Variants in PCDH15 observed in about 807,000 individuals in gnomAD.
PCDH15 encodes the protein protocadherin related 15.
A neutral mutation model predicts 178.5 loss-of-function variants in PCDH15; 129 were observed. The ratio of observed to expected loss-of-function variants is 0.72; its 90% confidence interval spans 0.63 to 0.84. The LOEUF (loss-of-function observed/expected upper bound fraction) is 0.84, where lower values mean the gene tolerates loss of function less well. PCDH15 is among the 40% of genes least tolerant of loss of function. The pLI, the probability that PCDH15 is intolerant of heterozygous loss-of-function variation, is 0.00. For synonymous variants in PCDH15, 800 were observed against 732.0 expected (o/e 1.09, Z -1.50); for missense variants, 2,230 against 2,099.9 (o/e 1.06, Z -1.21).
At chr10:54,124,658 T>C (rs768553669) in intron 15 of PCDH15, among the ~76,000 whole-genome samples, 1 of 152,186 alleles carries the variant, frequency 6.6e-6, no homozygotes, top group African/African-American at 2.4e-5. Context: ...CACGTGACAT[T>C]ATAAATTTTA....
At chr10:54,976,660 G>A (rs1296456907) in intron 2 of PCDH15, among the ~76,000 whole-genome samples, 1 of 152,186 alleles carries the variant, frequency 6.6e-6, no homozygotes, top group African/African-American at 2.4e-5. Flanking sequence ...ATCTATAGGA[G>A]CAACTGGGGA....
At chr10:54,485,591 A>G (rs16906192) in intron 3 of PCDH15, among the ~76,000 whole-genome samples, 20,623 of 152,026 alleles carry the variant, frequency 0.14, 1,474 homozygotes, top group South Asian at 0.23. Context: ...GAAGCTAGAT[A>G]TTAGCCAGTT....
At chr10:54,051,206 A>T (rs1300891344) in intron 18 of PCDH15, among the ~76,000 whole-genome samples, 1 of 152,194 alleles carries the variant, frequency 6.6e-6, no homozygotes, top group East Asian at 1.9e-4. Context: ...TGCTGTAAAG[A>T]TGCCTGAAAA....
chr10:55,516,100 G>C (rs1841006306), intron 2 of PCDH15, among the ~76,000 whole-genome samples: 3 of 151,964 alleles, frequency 2.0e-5, no homozygotes, highest in Admixed American at 2.0e-4. Flanking sequence ...TGGTTTGGCT[G>C]TGTCCCCACC....
intron 8 of PCDH15, among the ~76,000 whole-genome samples, chr10:54,278,432 A>G (rs995519657): frequency 5.9e-5 from 9 of 151,694 alleles, no homozygotes; most frequent in African/African-American, 1.9e-4. Context: ...TTTGACTTTA[A>G]CATCTATATT....
intron 3 of PCDH15, among the ~76,000 whole-genome samples, chr10:54,822,428 T>A (rs557730294): frequency 9.5e-4 from 145 of 152,252 alleles, no homozygotes; most frequent in African/African-American, 3.4e-3. Context: ...TAGCATAATG[T>A]TTTCTAGTTC....
intron 3 of PCDH15, among the ~76,000 whole-genome samples, chr10:54,845,398 T>C (rs2131757168): frequency 1.3e-5 from 2 of 152,176 alleles, no homozygotes; most frequent in African/African-American, 4.8e-5. Context: ...CATTACTTGC[T>C]TCCTCGATCA....
At chr10:53,907,563 G>C (rs535496871) in intron 25 of PCDH15, among the ~76,000 whole-genome samples, 1 of 152,084 alleles carries the variant, frequency 6.6e-6, no homozygotes, top group East Asian at 1.9e-4. Context: ...GTGTGCTTTG[G>C]GGCACCCTGC....
chr10:54,421,014 C>G (rs1758832), intron 3 of PCDH15, among the ~76,000 whole-genome samples: 1 of 151,834 alleles, frequency 6.6e-6, no homozygotes, highest in Non-Finnish European at 1.5e-5. Flanking sequence ...AAAAGCTTTT[C>G]GCTTCGCATG....
At chr10:55,554,231 T>C (rs1247038944) in intron 2 of PCDH15, among the ~76,000 whole-genome samples, 1 of 152,084 alleles carries the variant, frequency 6.6e-6, no homozygotes, top group African/African-American at 2.4e-5. Flanking sequence ...TTTTCTAGTC[T>C]CAATTTCTCA....
chr10:55,060,524 A>G (rs889629693), intron 2 of PCDH15, among the ~76,000 whole-genome samples: 2 of 152,026 alleles, frequency 1.3e-5, no homozygotes, highest in African/African-American at 4.8e-5. Flanking sequence ...AGTATTATGT[A>G]TAATTAATTT....
chr10:55,612,134 A>C, intron 2 of PCDH15, among the ~76,000 whole-genome samples: 1 of 152,066 alleles, frequency 6.6e-6, no homozygotes, highest in East Asian at 1.9e-4. Context: ...AGTTAATAAT[A>C]ATGTATTATA....
chr10:54,903,493 T>A (rs955031788), intron 2 of PCDH15, among the ~76,000 whole-genome samples: 1 of 151,850 alleles, frequency 6.6e-6, no homozygotes, highest in Non-Finnish European at 1.5e-5. Context: ...AGGTCACATA[T>A]AATATTGTAA....
chr10:55,056,162 T>C (rs1841295719), intron 2 of PCDH15, among the ~76,000 whole-genome samples: 1 of 152,168 alleles, frequency 6.6e-6, no homozygotes, highest in African/African-American at 2.4e-5. Context: ...GTGATTCCCC[T>C]GCTTAAAGAC....
At chr10:55,172,781 T>A (rs1278717661) in intron 1 of PCDH15, among the ~76,000 whole-genome samples, 1 of 152,018 alleles carries the variant, frequency 6.6e-6, no homozygotes, top group Non-Finnish European at 1.5e-5. Context: ...ATGGGGCCTA[T>A]GTATGTTAAA....
intron 2 of PCDH15, among the ~76,000 whole-genome samples, chr10:55,025,214 T>G (rs1223414697): frequency 6.6e-6 from 1 of 152,076 alleles, no homozygotes; most frequent in East Asian, 1.9e-4. Flanking sequence ...GAAAGAGAGA[T>G]TGAAAGATGA....
intron 2 of PCDH15, among the ~76,000 whole-genome samples, chr10:55,099,630 G>T (rs1265612442): frequency 6.6e-6 from 1 of 151,846 alleles, no homozygotes; most frequent in Non-Finnish European, 1.5e-5. Context: ...ATATTCCTTG[G>T]TAAGATTAAT....
intron 2 of PCDH15, among the ~76,000 whole-genome samples, chr10:55,011,724 AAT>A (rs1840051429): frequency 6.6e-6 from 1 of 152,126 alleles, no homozygotes; most frequent in Non-Finnish European, 1.5e-5. Context: ...TCATGATGTC[AAT>A]AAGAGGAGTG....
At chr10:55,575,762 G>A (rs890198923) in intron 2 of PCDH15, 1 of 152,160 alleles carries the variant, frequency 6.6e-6, no homozygotes, top group Non-Finnish European at 1.5e-5. Flanking sequence ...ACACTTGGAG[G>A]AAATTCACGA....
Sources: gnomAD v4.1 joint callset for allele counts (sites outside exome capture counted in the v4.1 genomes callset) on GRCh38, gnomAD v4.1.1 for gene constraint, MANE v1.5 for transcripts, NCBI Gene and HGNC (gene_info 2026-07-23, HGNC 2026-07-21) for gene names.